DLG1: variants seen among roughly 807,000 people sequenced by gnomAD.
DLG1 encodes disks large homolog 1.
In DLG1, 42 loss-of-function variants were observed where a neutral mutation model predicts 123.4. That is an observed-to-expected ratio of 0.34 (90% confidence interval 0.27 to 0.44). The LOEUF is 0.44. DLG1 is among the 20% of genes least tolerant of loss of function. The pLI, the probability that DLG1 is intolerant of heterozygous loss-of-function variation, is 1.00. For missense variants in DLG1, 942 were observed against 1,082.6 expected, an observed-to-expected ratio of 0.87 and a Z score of 1.82; for synonymous variants, 317 against 356.2, an observed-to-expected ratio of 0.89 and a Z score of 1.24.
chr3:197,159,772 C>G (rs567384336), intron 5 of DLG1, among the ~76,000 whole-genome samples: 9 of 152,164 alleles, frequency 5.9e-5, no homozygotes, highest in Non-Finnish European at 1.3e-4. Flanking sequence ...GTAAAACTAT[C>G]TTTCATGAAC....
At chr3:197,164,629 T>C (rs1274649233) in intron 5 of DLG1, among the ~76,000 whole-genome samples, 1 of 151,556 alleles carries the variant, frequency 6.6e-6, no homozygotes, top group African/African-American at 2.4e-5. Context: ...AGGCTGGGCA[T>C]GGTGGCTCAT....
intron 10 of DLG1, among the ~76,000 whole-genome samples, chr3:197,136,000 C>G (rs986584599): frequency 6.6e-6 from 1 of 151,858 alleles, no homozygotes; most frequent in African/African-American, 2.4e-5. Flanking sequence ...TTTGTAGAGA[C>G]AGGGTTTTGC....
At chr3:197,098,953 C>T (rs982947665) in intron 14 of DLG1, among the ~76,000 whole-genome samples, 1 of 152,202 alleles carries the variant, frequency 6.6e-6, no homozygotes, top group Non-Finnish European at 1.5e-5. Flanking sequence ...ACTTAAGATT[C>T]CTACCTTTTC....
intron 4 of DLG1, among the ~76,000 whole-genome samples, chr3:197,195,628 C>G (rs1722073129): frequency 6.6e-6 from 1 of 152,066 alleles, no homozygotes; most frequent in Non-Finnish European, 1.5e-5. Flanking sequence ...AACACAGGAA[C>G]AGAAAACAAA....
intron 5 of DLG1, among the ~76,000 whole-genome samples, chr3:197,150,527 T>C (rs1304931944): frequency 6.6e-6 from 1 of 152,136 alleles, no homozygotes; most frequent in African/African-American, 2.4e-5. Flanking sequence ...TCTGATGTAA[T>C]TCCCCTCAAA....
intron 5 of DLG1, among the ~76,000 whole-genome samples, chr3:197,163,082 T>A (rs1799475906): frequency 6.6e-6 from 1 of 152,168 alleles, no homozygotes; most frequent in Non-Finnish European, 1.5e-5. Flanking sequence ...AAGTGGCCAA[T>A]TAGCACACGA....
At chr3:197,172,860 T>C (rs938606183) in intron 5 of DLG1, among the ~76,000 whole-genome samples, 8 of 152,182 alleles carry the variant, frequency 5.3e-5, no homozygotes, top group Non-Finnish European at 2.9e-5. Flanking sequence ...AATAAACATG[T>C]CTTGGTCAAG....
chr3:197,098,823 C>T (rs757529425), intron 14 of DLG1, among the ~76,000 whole-genome samples: 22 of 152,230 alleles, frequency 1.4e-4, no homozygotes, highest in African/African-American at 1.4e-4. Flanking sequence ...TGAGCCATTG[C>T]GCCTGGCCAA....
intron 1 of DLG1, 148 bp from the exon 2 acceptor site, chr3:197,297,383 A>C (rs1777964570): frequency 1.4e-6 from 2 of 1,444,954 alleles, no homozygotes; most frequent in East Asian, 2.5e-5. Context: ...AAAACGCAGC[A>C]GTTGTCTGTC....
At chr3:197,127,337 C>T (rs565982214) in intron 11 of DLG1, among the ~76,000 whole-genome samples, 83 of 142,902 alleles carry the variant, frequency 5.8e-4, no homozygotes, top group Non-Finnish European at 1.1e-3. Context: ...GCAGGAGGAT[C>T]GCTTGAACCT....
chr3:197,236,915 A>G (rs1408683291), intron 4 of DLG1, among the ~76,000 whole-genome samples: 2 of 152,216 alleles, frequency 1.3e-5, no homozygotes, highest in Admixed American at 6.5e-5. Context: ...TGTTACTACC[A>G]AACTATGAAT....
At chr3:197,129,346 T>C (rs184291081) in intron 11 of DLG1, among the ~76,000 whole-genome samples, 15 of 152,340 alleles carry the variant, frequency 9.8e-5, no homozygotes, top group Admixed American at 9.1e-4. Context: ...CAACCCCTGC[T>C]AGCCTCACAT....
chr3:197,258,510 A>G (rs1757886005), intron 4 of DLG1, among the ~76,000 whole-genome samples: 1 of 152,220 alleles, frequency 6.6e-6, no homozygotes, highest in African/African-American at 2.4e-5. Flanking sequence ...TATCCATGGT[A>G]GCAATGATGC....
chr3:197,293,382 C>A (rs1775860883), intron 3 of DLG1, among the ~76,000 whole-genome samples: 1 of 152,176 alleles, frequency 6.6e-6, no homozygotes, highest in Non-Finnish European at 1.5e-5. Flanking sequence ...AAGTATCTAT[C>A]AGCACTAGAC....
At chr3:197,083,946 G>A (rs77261930) in intron 16 of DLG1, among the ~76,000 whole-genome samples, 5,618 of 152,034 alleles carry the variant, frequency 0.037, 163 homozygotes, top group Non-Finnish European at 0.05. Flanking sequence ...GCACTCCAGC[G>A]TGGGCGACAG....
rs749832343 is a variant in DLG1 at position 197,116,060 on chromosome 3, T to G, written c.1310A>C (p.His437Pro). The G allele has an allele frequency of 6.2e-7, 1 of 1,602,230 alleles. No homozygotes were observed. Among genetic ancestry groups the G allele is most frequent in the Non-Finnish European group, 8.5e-7 (1 of 1,176,944 alleles). Reference protein sequence around the residue: ...ITREPRKVVLHRGSTGLGFNI... With the variant: ...ITREPRKVVLPRGSTGLGFNI... ...GAAACCAAGGCCCGTTGAGCCACGATGAAGAACAACTTTTCTAGGTTCCCT... is the reference window on the plus strand; with the variant it reads ...GAAACCAAGGCCCGTTGAGCCACGAGGAAGAACAACTTTTCTAGGTTCCCT... Residue 437 changes from histidine (H) to proline (P), a missense_variant, in exon 13 of 25, where the codon CAT becomes CCT. Physicochemically the swap from His to Pro is moderately conservative, Grantham distance 77. Coordinates refer to ENST00000667157, the MANE Select transcript of DLG1 (RefSeq NM_001366207.1).
At chr3:197,098,034 T>C (rs1560643204) in intron 14 of DLG1, among the ~76,000 whole-genome samples, 1 of 152,150 alleles carries the variant, frequency 6.6e-6, no homozygotes, top group Non-Finnish European at 1.5e-5. Context: ...TAATTTTATT[T>C]TTAATAAAGG....
chr3:197,102,664 T>A (rs758125400), intron 14 of DLG1, among the ~76,000 whole-genome samples: 16 of 152,190 alleles, frequency 1.1e-4, no homozygotes, highest in Non-Finnish European at 2.2e-4. Context: ...GCAGATCACC[T>A]GAGGTCAGGA....
chr3:197,165,744 A>G (rs879685687), intron 5 of DLG1, among the ~76,000 whole-genome samples: 2 of 152,252 alleles, frequency 1.3e-5, no homozygotes, highest in African/African-American at 4.8e-5. Context: ...TTATGAATGC[A>G]TAAGAAAAGC....
Sources: allele counts gnomAD v4.1 joint callset (sites outside exome capture counted in the v4.1 genomes callset), GRCh38; gene constraint gnomAD v4.1.1; transcripts MANE v1.5; gene names NCBI Gene and HGNC (gene_info 2026-07-23, HGNC 2026-07-21).